The following NSFL1C variants were observed in gnomAD, a reference collection of about 807,000 sequenced individuals.
NSFL1C encodes the protein NSFL1 cofactor.
In NSFL1C, 14 loss-of-function variants were observed where a neutral mutation model predicts 43.1. The ratio of observed to expected loss-of-function variants is 0.32; its 90% CI spans 0.21 to 0.51. NSFL1C has a LOEUF of 0.51. NSFL1C is among the 20% of genes least tolerant of loss of function. The pLI is 0.98. For missense variants in NSFL1C, 406 were observed against 472.5 expected, an observed-to-expected ratio of 0.86 and a Z score of 1.30; for synonymous variants, 171 against 183.5, an observed-to-expected ratio of 0.93 and a Z score of 0.55.
chr20:1,466,699 C>T (rs528048970), intron 1 of NSFL1C, 21 bp downstream of exon 1: 1 of 1,535,278 alleles, frequency 6.5e-7, no homozygotes. Context: ...CCACCCGACA[C>T]AGCCCGCCGC....
Position 1,454,201 on chromosome 20 carries a change from G to A in NSFL1C, c.537+12C>T. 1 of 1,603,982 alleles carries A rather than the reference G, an allele frequency of 6.2e-7. No individual in the cohort carries two copies. The highest frequency in any genetic ancestry group is 8.5e-7 in the Non-Finnish European group (1 of 1,171,102). On this transcript the variant is annotated intron_variant, in intron 5 of 8. Coordinates refer to ENST00000216879, the MANE Select transcript of NSFL1C (RefSeq NM_016143.5). ...CCACAAGCTTCCCTCATGGGAAGGT[G>A]GATGCACTCACATCTTGGCTGGAAT... is the stretch of plus-strand genomic sequence containing the variant.
At chr20:1,464,166 T>C (rs1212269000) in intron 2 of NSFL1C, 163 bp downstream of exon 2, 11 of 635,942 alleles carry the variant, frequency 1.7e-5, no homozygotes, top group Admixed American at 7.8e-5. Context: ...CATCTCTGTA[T>C]AGGAAATGAC....
intron 3 of NSFL1C, 32 bp from the exon 4 acceptor site, chr20:1,455,164 A>C (rs1568622731): frequency 6.2e-7 from 1 of 1,612,974 alleles, no homozygotes; most frequent in East Asian, 2.2e-5. Context: ...AACATGAAAC[A>C]CTCATGGAAA....
At chr20:1,454,381 T>C in intron 4 of NSFL1C, 76 bp from the exon 5 acceptor site, 3 of 998,020 alleles carry the variant, frequency 3.0e-6, no homozygotes, top group Non-Finnish European at 3.1e-6. Flanking sequence ...ATGATATATA[T>C]ATCTTAGGTA....
intron 2 of NSFL1C, 107 bp from the exon 3 acceptor site, chr20:1,458,381 G>T: frequency 1.2e-6 from 1 of 823,320 alleles, no homozygotes; most frequent in Non-Finnish European, 2.1e-6. Context: ...TTTTTGGTAG[G>T]CGAGAGGAGG....
Position 1,445,662 on chromosome 20 carries a change from G to A in NSFL1C, c.950+4C>T. 6.2e-7 allele frequency: 1 copy of A among 1,612,188 alleles called. No homozygotes were observed. The highest frequency in any genetic ancestry group is 8.5e-7 in the Non-Finnish European group (1 of 1,179,810). On this transcript the variant is annotated splice_donor_region_variant and intron_variant, in intron 8 of 8. Coordinates refer to ENST00000216879, the MANE Select transcript of NSFL1C (RefSeq NM_016143.5). ...AATAAGCTAGGCCACACAATGCAAG[G>A]TACCTGTGGCTGTGGTTAAATTTCT...
chr20:1,446,746 C>T (rs955876489), intron 7 of NSFL1C, among the ~76,000 whole-genome samples: 4 of 152,204 alleles, frequency 2.6e-5, no homozygotes, highest in Non-Finnish European at 2.9e-5. Context: ...CACCTGTCCA[C>T]TTCACTCCCA....
At chr20:1,457,720 A>G (rs1433669051) in intron 3 of NSFL1C, among the ~76,000 whole-genome samples, 1 of 152,158 alleles carries the variant, frequency 6.6e-6, no homozygotes, top group African/African-American at 2.4e-5. Flanking sequence ...TAGTTAGCAT[A>G]ATGTTCTCTA....
chr20:1,449,757 G>T (rs888674279), intron 7 of NSFL1C, among the ~76,000 whole-genome samples: 7 of 152,132 alleles, frequency 4.6e-5, no homozygotes, highest in Non-Finnish European at 1.0e-4. Context: ...TCTTTACAGG[G>T]GGAATAAACT....
In NSFL1C at chr20:1,443,740, G is replaced by C; in HGVS notation, c.*9C>G. On this transcript the variant is annotated 3_prime_UTR_variant, in exon 9 of 9. Transcript: ENST00000216879. ...ACACAGGAGGGAGGCCAGGCAGCTGGCTGGGCGGTTATGTTAACCGCTGCA... is the reference window on the plus strand; with the variant it reads ...ACACAGGAGGGAGGCCAGGCAGCTGCCTGGGCGGTTATGTTAACCGCTGCA... The C allele has an allele frequency of 6.2e-7, 1 of 1,613,016 alleles. No homozygotes were observed. The highest frequency in any genetic ancestry group is 8.5e-7 in the Non-Finnish European group (1 of 1,179,116).
rs2090524907 is a variant in NSFL1C at position 1,466,811 on chromosome 20, C to T, written c.14G>A (p.Arg5Gln). 3.2e-6 allele frequency: 5 copies of T among 1,545,156 alleles called. No homozygotes were observed. The highest frequency in any genetic ancestry group is 4.4e-6 in the Non-Finnish European group (5 of 1,148,126). The change falls in exon 1 of 9, where the codon CGA becomes CAA. Residue 5 changes from arginine to glutamine, a missense_variant. By Grantham distance (43) the Arg-to-Gln change is conservative. Coordinates refer to ENST00000216879, the MANE Select transcript of NSFL1C (RefSeq NM_016143.5). The part of the protein sequence containing the change: MAAE[R>Q]QEALREFVAV... ...CACGAACTCCCTCAGCGCCTCCTGT[C>T]GCTCCGCCGCCATCTTCGCCCCGTG...
chr20:1,450,373 G>A (rs570096593), intron 7 of NSFL1C, among the ~76,000 whole-genome samples: 57 of 151,926 alleles, frequency 3.8e-4, no homozygotes, highest in African/African-American at 1.3e-3. Context: ...TTCATAAAAA[G>A]CCAGAACTGA....
chr20:1,457,514 G>A (rs967849991), intron 3 of NSFL1C, among the ~76,000 whole-genome samples: 4 of 152,230 alleles, frequency 2.6e-5, no homozygotes, highest in Admixed American at 6.5e-5. Flanking sequence ...ATCATGCTGT[G>A]CAAGAGATCT....
Position 1,443,553 on chromosome 20 carries a change from G to GATC in NSFL1C, c.*193_*195dup, listed in dbSNP as rs1225148808. 433 of 487,708 alleles carry GATC rather than the reference G, an allele frequency of 8.9e-4. 2 individuals carry two copies. The highest frequency in any genetic ancestry group is 3.1e-3 in the African/African-American group (162 of 52,244). 30.2% of individuals were successfully genotyped at this position (487,708 alleles called of 1,614,324 possible). A position where few individuals can be genotyped will look rare whatever the true frequency, so the allele number is the denominator to read the frequency against. On this transcript the variant is annotated 3_prime_UTR_variant, in exon 9 of 9. Transcript: ENST00000216879. ...ATTTTTTTTTTCATTAAAGTCCATT[G>GATC]ATCATCACAAAAACCCAGGAAATGC...
At chr20:1,443,963 C>G in intron 8 of NSFL1C, 52 bp from the exon 9 acceptor site, 6 of 1,558,430 alleles carry the variant, frequency 3.9e-6, no homozygotes, top group Non-Finnish European at 5.2e-6. Context: ...TGTCCATACC[C>G]CTGCCCTGTG....
At chr20:1,457,908 C>G (rs928557763) in intron 3 of NSFL1C, 6 of 342,774 alleles carry the variant, frequency 1.8e-5, no homozygotes, top group African/African-American at 1.3e-4. Flanking sequence ...CACCTCTTTA[C>G]AAACTGATTT....
At chr20:1,456,118 CCT>C (rs1345115975) in intron 3 of NSFL1C, 2 of 200,442 alleles carry the variant, frequency 1.0e-5, no homozygotes, top group Non-Finnish European at 2.1e-5. Flanking sequence ...TAGTCTCAGC[CCT>C]CTATTTCCTG....
At chr20:1,444,041 G>T in intron 8 of NSFL1C, 130 bp from the exon 9 acceptor site, 2 of 983,562 alleles carry the variant, frequency 2.0e-6, no homozygotes, top group Non-Finnish European at 2.9e-6. Flanking sequence ...CTACGCTCAG[G>T]CATGTGGGAC....
chr20:1,463,042 A>G (rs530147319), intron 2 of NSFL1C, among the ~76,000 whole-genome samples: 1 of 152,320 alleles, frequency 6.6e-6, no homozygotes, highest in East Asian at 1.9e-4. Flanking sequence ...TGAAACGTTA[A>G]GTAACCTGCC....
Sources: allele counts gnomAD v4.1 joint callset (sites outside exome capture counted in the v4.1 genomes callset), GRCh38; gene constraint gnomAD v4.1.1; transcripts MANE v1.5; gene names NCBI Gene and HGNC (gene_info 2026-07-23, HGNC 2026-07-21).